The following LRRN1 variants were observed in gnomAD, a reference collection of about 807,000 sequenced individuals.
LRRN1 encodes leucine rich repeat neuronal 1, also known as leucine-rich repeat neuronal protein 1.
LRRN1 carries 14 observed loss-of-function variants against 45.8 expected under a neutral mutation model. That is an observed-to-expected ratio of 0.31 (90% CI 0.20 to 0.48). The LOEUF is 0.48. Among genes scored for constraint, LRRN1 ranks in the 20% least tolerant of loss-of-function variants. LRRN1 has a pLI of 0.99. For synonymous variants in LRRN1, 359 were observed against 330.1 expected (o/e 1.09, Z -0.95); for missense variants, 789 against 874.2 (o/e 0.90, Z 1.23).
chr3:3,832,043 A>G (rs1206901708), intron 1 of LRRN1, among the ~76,000 whole-genome samples: 1 of 152,196 alleles, frequency 6.6e-6, no homozygotes, highest in Non-Finnish European at 1.5e-5. Flanking sequence ...AAGCAATGAA[A>G]CCACATCTGC....
intron 1 of LRRN1, among the ~76,000 whole-genome samples, chr3:3,837,764 G>T (rs1693555510): frequency 6.6e-6 from 1 of 151,482 alleles, no homozygotes; most frequent in Non-Finnish European, 1.5e-5. Flanking sequence ...ACCTGTGCAG[G>T]ATGTGCAGGT....
rs139116983 is a variant in LRRN1, at chr3:3,846,548, T to C, written c.1907T>C (p.Met636Thr). The change falls in exon 2 of 2, where the codon ATG (methionine) becomes ACG (threonine). Residue 636 changes from methionine to threonine, a missense_variant. Coordinates refer to ENST00000319331, the MANE Select transcript of LRRN1 (RefSeq NM_020873.7). This position sits in a 1 kb window ranked among gnomAD's most constrained non-coding sequence, Gnocchi z 5.7. ...ACCAGTACAGCCCTTGCTGCAGTAATGGGGTCTATGTTTGCCGTCATTAGC... is the reference window on the plus strand; with the variant it reads ...ACCAGTACAGCCCTTGCTGCAGTAACGGGGTCTATGTTTGCCGTCATTAGC... ...QETSTALAAVMGSMFAVISLA... is the reference protein window; with the variant it reads ...QETSTALAAVTGSMFAVISLA... 11 of 1,613,984 alleles carry C rather than the reference T, an allele frequency of 6.8e-6. No homozygotes were observed. The highest frequency in any genetic ancestry group is 1.3e-5 in the African/African-American group (1 of 74,914).
In LRRN1 at chr3:3,849,124, C is replaced by T. The variant is rs1365412987; in HGVS notation, c.*2332C>T. Among the ~76,000 whole-genome samples the T allele has an allele frequency of 6.6e-6, 1 of 152,210 alleles. No individual in the cohort carries two copies. Among genetic ancestry groups the T allele is most frequent in the African/African-American group, 2.4e-5 (1 of 41,438 alleles). On this transcript the variant is annotated 3_prime_UTR_variant, in exon 2 of 2. Transcript: ENST00000319331. ...GGATGGCACTGATGCATTAGACCCT[C>T]AGCAGCCTGCAATTGCAAATCTGCG... is the stretch of plus-strand genomic sequence containing the variant.
rs1019066563 is a variant in LRRN1, at chr3:3,830,491, C to G, written c.-278-13873C>G. Among the ~76,000 whole-genome samples the G allele has an allele frequency of 2.0e-5, 3 of 152,224 alleles. No individual in the cohort carries two copies. The South Asian group carries it at 6.2e-4, about 31-fold the overall frequency. The stretch of plus-strand genomic sequence containing the variant: ...CCTTTAGGGATGTCCTAAAAAGGGG[C>G]TGTAGTGCTGCAGCTGTCCATTTTC... On this transcript the variant is annotated intron_variant, in intron 1 of 1. Transcript: ENST00000319331.
intron 1 of LRRN1, among the ~76,000 whole-genome samples, chr3:3,823,463 T>C (rs1382345701): frequency 6.6e-6 from 1 of 152,118 alleles, no homozygotes; most frequent in East Asian, 1.9e-4. Flanking sequence ...TTTCAGGAGA[T>C]TGTTTTCAGG....
At position 3,848,200 on chromosome 3, in the gene LRRN1, A is replaced by G. The variant is rs1000534255; in HGVS notation, c.*1408A>G. Among the ~76,000 whole-genome samples the G allele has an allele frequency of 6.6e-5, 10 of 152,180 alleles. No individual in the cohort carries two copies. The highest frequency in any genetic ancestry group is 1.9e-4 in the African/African-American group (8 of 41,432). ...GTGGCAATATCTGCTGAGACAAGTAAATGATTAATAGAAAACAAAACAACT... is the reference window on the plus strand; with the variant it reads ...GTGGCAATATCTGCTGAGACAAGTAGATGATTAATAGAAAACAAAACAACT... On this transcript the variant is annotated 3_prime_UTR_variant, in exon 2 of 2. Transcript: ENST00000319331.
At chr3:3,843,819 A>G (rs1693697585) in intron 1 of LRRN1, among the ~76,000 whole-genome samples, 1 of 152,260 alleles carries the variant, frequency 6.6e-6, no homozygotes, top group Non-Finnish European at 1.5e-5. Flanking sequence ...TAGAAAAGAA[A>G]GACTTCCAGG....
chr3:3,817,432 T>C (rs939874854), intron 1 of LRRN1, among the ~76,000 whole-genome samples: 8 of 152,356 alleles, frequency 5.3e-5, no homozygotes, highest in Middle Eastern at 3.4e-3. Context: ...ACAAGTACTG[T>C]CTCATTCACC....
chr3:3,815,563 G>A (rs1258976892), intron 1 of LRRN1, among the ~76,000 whole-genome samples: 2 of 152,144 alleles, frequency 1.3e-5, no homozygotes, highest in African/African-American at 2.4e-5. Flanking sequence ...ACTTGAAAAC[G>A]CTGAAGTGAA....
rs541300441 is a variant in LRRN1 at position 3,849,410 on chromosome 3, T to C, written c.*2618T>C. Among the ~76,000 whole-genome samples, 16 of 152,334 alleles carry C rather than the reference T, an allele frequency of 1.1e-4. No homozygotes were observed. Among genetic ancestry groups the C allele is most frequent in the African/African-American group, 3.8e-4 (16 of 41,590 alleles). ...TGCTAATGAGCTGATTTTCAGCTGA[T>C]AGAAAACAAAATGATAGAGTACTTT... On this transcript the variant is annotated 3_prime_UTR_variant, in exon 2 of 2. Transcript: ENST00000319331.
At chr3:3,832,356 A>G (rs1286153026) in intron 1 of LRRN1, among the ~76,000 whole-genome samples, 2 of 152,180 alleles carry the variant, frequency 1.3e-5, no homozygotes, top group East Asian at 3.8e-4. Context: ...GCTGCCAAGT[A>G]TGTCTATGCC....
intron 1 of LRRN1, among the ~76,000 whole-genome samples, chr3:3,804,810 G>A (rs1474043348): frequency 7.0e-6 from 1 of 142,970 alleles, no homozygotes; most frequent in Admixed American, 7.0e-5. Context: ...ATCCTTCTAT[G>A]TGAAAGGTTT....
chr3:3,826,961 C>T (rs1345992979), intron 1 of LRRN1, among the ~76,000 whole-genome samples: 1 of 152,124 alleles, frequency 6.6e-6, no homozygotes, highest in Non-Finnish European at 1.5e-5. Flanking sequence ...AGAACTTGTA[C>T]TGGATCATAC....
At chr3:3,813,541 C>G (rs528088793) in intron 1 of LRRN1, among the ~76,000 whole-genome samples, 2 of 152,216 alleles carry the variant, frequency 1.3e-5, no homozygotes, top group Admixed American at 1.3e-4. Flanking sequence ...CCCTTGCACC[C>G]TTTTATTACT....
chr3:3,825,027 G>A (rs569810662), intron 1 of LRRN1, among the ~76,000 whole-genome samples: 8 of 152,268 alleles, frequency 5.3e-5, no homozygotes, highest in African/African-American at 1.9e-4. Flanking sequence ...AGACTCTGAG[G>A]TCGACGTTAT....
At chr3:3,820,218 A>G (rs1559291013) in intron 1 of LRRN1, among the ~76,000 whole-genome samples, 1 of 152,226 alleles carries the variant, frequency 6.6e-6, no homozygotes, top group African/African-American at 2.4e-5. Flanking sequence ...TCTAGAAATG[A>G]CATATATTTT....
intron 1 of LRRN1, among the ~76,000 whole-genome samples, chr3:3,840,142 T>A (rs1347484660): frequency 1.3e-5 from 2 of 152,174 alleles, no homozygotes; most frequent in Admixed American, 6.5e-5. Context: ...TATGTGTAGG[T>A]ACTTTCCTTC....
Position 3,846,024 on chromosome 3 carries a change from T to A in LRRN1, c.1383T>A (p.Thr461=). ...CAGAACCTGAAATTTACTGGGTCAC[T>A]CCCATTGGAAATAAGATAACTGTGG... ...AEPEPEIYWV[T]PIGNKITVET... Residue 461 remains threonine, a synonymous_variant, in exon 2 of 2, where the codon ACT becomes ACA. Coordinates refer to ENST00000319331, the MANE Select transcript of LRRN1 (RefSeq NM_020873.7). This position sits in a 1 kb window ranked among gnomAD's most constrained non-coding sequence, Gnocchi z 5.7. 1 of 1,614,032 alleles carries A rather than the reference T, an allele frequency of 6.2e-7. No individual in the cohort carries two copies. Among genetic ancestry groups the A allele is most frequent in the South Asian group, 1.1e-5 (1 of 91,086 alleles).
chr3:3,822,051 A>G (rs1315898176), intron 1 of LRRN1, among the ~76,000 whole-genome samples: 2 of 152,224 alleles, frequency 1.3e-5, no homozygotes, highest in East Asian at 1.9e-4. Context: ...GGGTTCTGGC[A>G]TCAGATGCCT....
Sources: allele counts gnomAD v4.1 joint callset (sites outside exome capture counted in the v4.1 genomes callset), GRCh38; gene constraint gnomAD v4.1.1; non-coding constraint Gnocchi (gnomAD v3.1); transcripts MANE v1.5; gene names NCBI Gene and HGNC (gene_info 2026-07-23, HGNC 2026-07-21).